The following DLGAP2 variants were observed in gnomAD, a reference collection of about 807,000 sequenced individuals.
DLGAP2 encodes disks large-associated protein 2.
In DLGAP2, 26 loss-of-function variants were observed where a neutral mutation model predicts 100.3. The ratio of observed to expected loss-of-function variants is 0.26; its 90% confidence interval spans 0.19 to 0.36. The LOEUF (loss-of-function observed/expected upper bound fraction) is 0.36. DLGAP2 is among the 10% of genes least tolerant of loss of function. The pLI is 1.00. For synonymous variants in DLGAP2, 886 were observed against 630.1 expected (o/e 1.41, Z -6.08); for missense variants, 1,858 against 1,453.2 (o/e 1.28, Z -4.53).
At chr8:1,287,250 C>G (rs1341392888) in intron 3 of DLGAP2, among the ~76,000 whole-genome samples, 1 of 108,108 alleles carries the variant, frequency 9.3e-6, no homozygotes, top group Non-Finnish European at 1.7e-5. Context: ...AGGAGGGGAA[C>G]TAGTTTTAGT....
intron 2 of DLGAP2, among the ~76,000 whole-genome samples, chr8:1,183,572 A>G (rs1797436656): frequency 6.6e-6 from 1 of 152,298 alleles, no homozygotes; most frequent in African/African-American, 2.4e-5. Flanking sequence ...TATCCTCACC[A>G]TGTTGCACAT....
At chr8:1,147,356 C>G (rs908097663) in intron 2 of DLGAP2, among the ~76,000 whole-genome samples, 5 of 152,010 alleles carry the variant, frequency 3.3e-5, no homozygotes, top group African/African-American at 1.2e-4. Flanking sequence ...AACTTTGATT[C>G]TAGTGATCTT....
chr8:1,287,866 A>G (rs1799975618), intron 3 of DLGAP2, among the ~76,000 whole-genome samples: 1 of 100,558 alleles, frequency 9.9e-6, no homozygotes. Flanking sequence ...TAGGAGGGGA[A>G]CTTGTTTTGG....
At chr8:1,312,657 G>A (rs1800640104) in intron 3 of DLGAP2, among the ~76,000 whole-genome samples, 1 of 152,060 alleles carries the variant, frequency 6.6e-6, no homozygotes, top group African/African-American at 2.4e-5. Context: ...TGAGTGAAAT[G>A]GCAAATTTTA....
intron 2 of DLGAP2, among the ~76,000 whole-genome samples, chr8:962,151 T>C (rs1364783728): frequency 1.3e-5 from 2 of 152,256 alleles, no homozygotes; most frequent in East Asian, 3.8e-4. Context: ...CTCATTTTCT[T>C]ATAATTTGCA....
At chr8:1,651,683 A>G (rs4433175) in intron 8 of DLGAP2, among the ~76,000 whole-genome samples, 78,739 of 151,984 alleles carry the variant, frequency 0.52, 20,520 homozygotes, top group South Asian at 0.62. Flanking sequence ...AAACCACCAC[A>G]GGCTGTGTAG....
At chr8:811,233 C>G (rs765494529) in intron 1 of DLGAP2, among the ~76,000 whole-genome samples, 12 of 152,270 alleles carry the variant, frequency 7.9e-5, no homozygotes, top group Non-Finnish European at 1.3e-4. Flanking sequence ...GGTTTCCTCC[C>G]TTCTTGGAGA....
At chr8:1,465,046 A>G (rs1246994953) in intron 3 of DLGAP2, among the ~76,000 whole-genome samples, 1 of 152,242 alleles carries the variant, frequency 6.6e-6, no homozygotes, top group Admixed American at 6.5e-5. Flanking sequence ...CCAGCAGGTG[A>G]CCAGCTCTGC....
intron 2 of DLGAP2, among the ~76,000 whole-genome samples, chr8:1,155,183 C>G (rs2129051966): frequency 6.6e-6 from 1 of 152,338 alleles, no homozygotes; most frequent in East Asian, 1.9e-4. Flanking sequence ...CTCTCCTCTG[C>G]CCAGCACACA....
intron 4 of DLGAP2, among the ~76,000 whole-genome samples, chr8:1,531,386 C>A (rs1016740021): frequency 4.6e-5 from 7 of 152,002 alleles, no homozygotes; most frequent in Non-Finnish European, 7.4e-5. Context: ...GCTAAAAGGA[C>A]CTGTATTTCA....
intron 7 of DLGAP2, among the ~76,000 whole-genome samples, chr8:1,631,824 T>C (rs758486848): frequency 1.4e-4 from 22 of 152,318 alleles, no homozygotes; most frequent in Non-Finnish European, 2.9e-4. Flanking sequence ...AGGTCTGAAC[T>C]TGGAGACAGG....
At chr8:1,652,916 T>C (rs1272920623) in intron 8 of DLGAP2, among the ~76,000 whole-genome samples, 2 of 152,180 alleles carry the variant, frequency 1.3e-5, no homozygotes, top group Non-Finnish European at 1.5e-5. Flanking sequence ...AGATGACTCA[T>C]TGTGCAATTA....
rs992489192 is a variant in DLGAP2 at position 1,119,798 on chromosome 8, C to T, written c.74-139053C>T. Among the ~76,000 whole-genome samples, 4 of 152,226 alleles carry T rather than the reference C, an allele frequency of 2.6e-5. No individual in the cohort carries two copies. In the South Asian group the frequency reaches 8.3e-4, roughly 32 times the overall value. ...GAGTTGGTACAAGTTGTGAGAGTCA[C>T]AGTTGACCCTACCTTGACTTAGGAG... On this transcript the variant is annotated intron_variant, in intron 2 of 14. Coordinates refer to ENST00000637795, the MANE Select transcript of DLGAP2 (RefSeq NM_001346810.2).
chr8:1,299,044 AC>A (rs1313544294), intron 3 of DLGAP2, among the ~76,000 whole-genome samples: 1 of 152,206 alleles, frequency 6.6e-6, no homozygotes, highest in African/African-American at 2.4e-5. Context: ...ATCCGTCTAG[AC>A]CAGTGCTGCC....
intron 2 of DLGAP2, chr8:1,247,052 A>T (rs1264862120): frequency 1.0e-5 from 2 of 193,228 alleles, no homozygotes; most frequent in African/African-American, 2.4e-5. Context: ...GGCCGGGAAG[A>T]CCTTTGAGAT....
At chr8:1,449,135 T>C (rs1261033261) in intron 3 of DLGAP2, among the ~76,000 whole-genome samples, 1 of 152,160 alleles carries the variant, frequency 6.6e-6, no homozygotes, top group Non-Finnish European at 1.5e-5. Flanking sequence ...TTCTCTTTCC[T>C]CTCATCTTCC....
intron 1 of DLGAP2, among the ~76,000 whole-genome samples, chr8:861,072 G>T (rs1797379417): frequency 6.6e-6 from 1 of 152,160 alleles, no homozygotes; most frequent in South Asian, 2.1e-4. Flanking sequence ...GGGACATGAG[G>T]AGAGGGAGTG....
At chr8:1,412,114 TG>T (rs980557330) in intron 3 of DLGAP2, among the ~76,000 whole-genome samples, 7 of 152,250 alleles carry the variant, frequency 4.6e-5, no homozygotes, top group African/African-American at 1.7e-4. Flanking sequence ...AAGCATGGGC[TG>T]GGCTTGCTGC....
At chr8:1,480,018 T>G (rs1799045072) in intron 3 of DLGAP2, among the ~76,000 whole-genome samples, 1 of 152,218 alleles carries the variant, frequency 6.6e-6, no homozygotes, top group Non-Finnish European at 1.5e-5. Context: ...CACCAGCCCC[T>G]GTAAGACAGG....
Sources: allele counts gnomAD v4.1 joint callset (sites outside exome capture counted in the v4.1 genomes callset), GRCh38; gene constraint gnomAD v4.1.1; transcripts MANE v1.5; gene names NCBI Gene and HGNC (gene_info 2026-07-23, HGNC 2026-07-21).